The following SHISA9 variants were observed in gnomAD, a reference collection of about 807,000 sequenced individuals.
SHISA9 encodes the protein shisa family member 9, also known as protein shisa-9.
In SHISA9, 13 loss-of-function variants were observed where a neutral mutation model predicts 38.0. The observed-to-expected ratio is 0.34, with a 90% confidence interval of 0.22 to 0.54. The LOEUF is 0.54. Ranked by LOEUF, SHISA9 falls within the 20% of genes least tolerant of loss-of-function variation. The pLI is 0.91. For missense variants in SHISA9, 538 were observed against 575.8 expected (o/e 0.93, Z 0.67); for synonymous variants, 275 against 242.0 (o/e 1.14, Z -1.27).
chr16:13,419,062 C>T, the SHISA9 span, among the ~76,000 whole-genome samples: 54 of 152,186 alleles, frequency 3.5e-4, no homozygotes, highest in Admixed American at 1.2e-3. Flanking sequence ...TATAAACCCA[C>T]GTGTATGAAC....
the SHISA9 span, among the ~76,000 whole-genome samples, chr16:13,344,728 G>A: frequency 1.3e-5 from 2 of 152,110 alleles, no homozygotes; most frequent in African/African-American, 4.8e-5. Flanking sequence ...TTTATAGGTG[G>A]AGAAACTGAA....
chr16:13,230,746 C>A (rs190910029), intron 4 of SHISA9, among the ~76,000 whole-genome samples: 123 of 152,312 alleles, frequency 8.1e-4, no homozygotes, highest in African/African-American at 2.5e-3. Context: ...ACTCCATAGA[C>A]AGAGCAGCCC....
the SHISA9 span, among the ~76,000 whole-genome samples, chr16:13,442,790 C>CA: frequency 6.6e-6 from 1 of 151,596 alleles, no homozygotes; most frequent in African/African-American, 2.4e-5. Flanking sequence ...TTGGTCTCAA[C>CA]AAAAAAATAA....
the SHISA9 span, among the ~76,000 whole-genome samples, chr16:13,315,196 A>G: frequency 6.6e-6 from 1 of 152,214 alleles, no homozygotes; most frequent in Admixed American, 6.5e-5. Context: ...GTAGCATAGC[A>G]CCTGCAATGC....
At chr16:13,038,716 G>T (rs190404368) in intron 2 of SHISA9, among the ~76,000 whole-genome samples, 3 of 152,222 alleles carry the variant, frequency 2.0e-5, no homozygotes, top group Non-Finnish European at 2.9e-5. Context: ...ACAAAGTTAT[G>T]TATTTACCAG....
the SHISA9 span, among the ~76,000 whole-genome samples, chr16:13,314,672 A>G: frequency 6.6e-6 from 1 of 152,186 alleles, no homozygotes; most frequent in Non-Finnish European, 1.5e-5. Context: ...GCCACAATCA[A>G]CATCATAGAT....
chr16:13,468,316 G>A, the SHISA9 span, among the ~76,000 whole-genome samples: 1 of 152,186 alleles, frequency 6.6e-6, no homozygotes, highest in Non-Finnish European at 1.5e-5. Context: ...AGGGAGAGGG[G>A]CAGGGAGATG....
chr16:13,506,363 A>G, the SHISA9 span, among the ~76,000 whole-genome samples: 1 of 152,186 alleles, frequency 6.6e-6, no homozygotes, highest in South Asian at 2.1e-4. Context: ...GGTGTGTGGG[A>G]GGTGAGGACA....
the SHISA9 span, among the ~76,000 whole-genome samples, chr16:13,430,319 G>T: frequency 6.6e-6 from 1 of 152,114 alleles, no homozygotes; most frequent in Non-Finnish European, 1.5e-5. Context: ...AACTTTGGAC[G>T]CGGAAACCAT....
chr16:13,045,762 CT>C (rs67816741), intron 2 of SHISA9, among the ~76,000 whole-genome samples: 3 of 23,378 alleles, frequency 1.3e-4, no homozygotes, highest in South Asian at 8.0e-4. Context: ...CCTGCCCCCA[CT>C]GTGTCCCCCA....
At chr16:13,350,844 C>T in the SHISA9 span, among the ~76,000 whole-genome samples, 1 of 152,120 alleles carries the variant, frequency 6.6e-6, no homozygotes, top group South Asian at 2.1e-4. Flanking sequence ...TACACAGAAA[C>T]CCTCTTTATT....
At chr16:13,452,487 G>C in the SHISA9 span, among the ~76,000 whole-genome samples, 1 of 152,142 alleles carries the variant, frequency 6.6e-6, no homozygotes, top group Non-Finnish European at 1.5e-5. Context: ...CTGTGTTCCT[G>C]AGAGAAACAA....
chr16:13,140,619 G>A (rs761665029), intron 2 of SHISA9, among the ~76,000 whole-genome samples: 15 of 152,214 alleles, frequency 9.9e-5, no homozygotes, highest in Non-Finnish European at 1.8e-4. Context: ...AGGTACTGGG[G>A]ATGCAGGGAT....
chr16:13,123,641 G>C (rs1052724130), intron 2 of SHISA9, among the ~76,000 whole-genome samples: 1 of 152,202 alleles, frequency 6.6e-6, no homozygotes, highest in Non-Finnish European at 1.5e-5. Flanking sequence ...ATCCCATGAG[G>C]ATAGGTAAAG....
intron 2 of SHISA9, among the ~76,000 whole-genome samples, chr16:13,188,571 G>C (rs1252220062): frequency 6.6e-6 from 1 of 152,070 alleles, no homozygotes; most frequent in Non-Finnish European, 1.5e-5. Flanking sequence ...AAAAAAATCA[G>C]CCAGGCATGC....
chr16:13,094,696 C>G (rs1232849548), intron 2 of SHISA9, among the ~76,000 whole-genome samples: 2 of 152,238 alleles, frequency 1.3e-5, no homozygotes, highest in East Asian at 1.9e-4. Context: ...AGACCTGTCT[C>G]CTGATTGGCC....
At chr16:13,387,331 G>A in the SHISA9 span, among the ~76,000 whole-genome samples, 2 of 152,088 alleles carry the variant, frequency 1.3e-5, no homozygotes, top group African/African-American at 4.8e-5. Context: ...AATATAACTT[G>A]TGTTCTTATC....
the SHISA9 span, among the ~76,000 whole-genome samples, chr16:13,354,790 G>A: frequency 1.3e-5 from 2 of 152,172 alleles, no homozygotes. Flanking sequence ...GAGTTGTTTT[G>A]TAGAAGGTGC....
the SHISA9 span, among the ~76,000 whole-genome samples, chr16:13,416,391 A>G: frequency 6.6e-6 from 1 of 152,226 alleles, no homozygotes; most frequent in Admixed American, 6.5e-5. Context: ...ACACATAAGC[A>G]CTAGAGTACA....
Sources: gnomAD v4.1 joint callset for allele counts (sites outside exome capture counted in the v4.1 genomes callset) on GRCh38, gnomAD v4.1.1 for gene constraint, MANE v1.5 for transcripts, NCBI Gene and HGNC (gene_info 2026-07-23, HGNC 2026-07-21) for gene names.